The following HDAC4 variants were observed in gnomAD, a reference collection of about 807,000 sequenced individuals.
HDAC4 encodes the protein histone deacetylase 4.
A neutral mutation model predicts 135.1 loss-of-function variants in HDAC4; 16 were observed. That is an observed-to-expected ratio of 0.12 (90% confidence interval 0.08 to 0.18). The LOEUF (loss-of-function observed/expected upper bound fraction) is 0.18, where lower values mean the gene tolerates loss of function less well. Ranked by LOEUF, HDAC4 falls within the 10% of genes least tolerant of loss-of-function variation. The probability of loss-of-function intolerance (pLI) is 1.00; values close to 1 mark genes in which losing one functional copy is unlikely to be tolerated. For missense variants in HDAC4, 1,143 were observed against 1,511.8 expected (o/e 0.76, Z 4.05); for synonymous variants, 685 against 653.4 (o/e 1.05, Z -0.74).
rs1442234034 is a variant in HDAC4, at chr2:239,048,559, G to GGA, written c.*4537_*4538insTC. The GGA allele has an allele frequency of 4.8e-5, 4 of 82,826 alleles. No individual in the cohort carries two copies. The highest frequency in any genetic ancestry group is 8.2e-5 in the Non-Finnish European group (3 of 36,578). 5.1% of individuals were successfully genotyped at this position (82,826 alleles called of 1,614,324 possible). A position where few individuals can be genotyped will look rare whatever the true frequency, so the allele number is the denominator to read the frequency against. On this transcript the variant is annotated 3_prime_UTR_variant, in exon 27 of 27. Transcript: ENST00000543185. ...TGGGTGAGTAAGGTTCAAGCCCCCT[G>GGA]TATAGATAGATAGATAGATAGATAG...
intron 2 of HDAC4, chr2:239,305,664 G>T (rs541411963): frequency 1.3e-5 from 2 of 152,512 alleles, no homozygotes; most frequent in South Asian, 4.1e-4. Flanking sequence ...ACTGAGTGTG[G>T]TTTTTAATCA....
chr2:239,102,508 A>C, intron 16 of HDAC4: 1 of 465,642 alleles, frequency 2.1e-6, no homozygotes, highest in Non-Finnish European at 4.0e-6. Flanking sequence ...GTTCCTAATC[A>C]GCCTCTCAAA....
chr2:239,295,689 C>T (rs989510784), intron 2 of HDAC4, among the ~76,000 whole-genome samples: 3 of 152,184 alleles, frequency 2.0e-5, no homozygotes, highest in South Asian at 4.1e-4. Context: ...TTTTGTGTCT[C>T]GTTTACCATT....
At chr2:239,210,587 C>T (rs2046311430) in intron 3 of HDAC4, among the ~76,000 whole-genome samples, 1 of 152,186 alleles carries the variant, frequency 6.6e-6, no homozygotes, top group South Asian at 2.1e-4. Flanking sequence ...TTGGAGGAGA[C>T]CGGCCCTGCT....
chr2:239,219,532 T>G (rs1054191281), intron 3 of HDAC4, among the ~76,000 whole-genome samples: 1 of 152,040 alleles, frequency 6.6e-6, no homozygotes. Context: ...GACGAGTTAA[T>G]GGGTGCAGCA....
rs757852926 is a variant in HDAC4, at chr2:239,167,012, G to A, written c.491-3089C>T. ...ACCGCAAAATGATGCTGGTGACAGC[G>A]ACAGTGAGGATGAGGACCCAGATGG... On this transcript the variant is annotated intron_variant, in intron 5 of 26. Coordinates refer to ENST00000543185, the MANE Select transcript of HDAC4 (RefSeq NM_001378414.1). The surrounding 1 kb of genome is among the most constrained non-coding windows in gnomAD (Gnocchi z 4.1). 6.6e-6 allele frequency among the ~76,000 whole-genome samples: 1 copy of A among 152,258 alleles called. No individual in the cohort carries two copies. The highest frequency in any genetic ancestry group is 2.4e-5 in the African/African-American group (1 of 41,546).
chr2:239,059,448 G>A (rs930748258), intron 24 of HDAC4, among the ~76,000 whole-genome samples: 11 of 152,136 alleles, frequency 7.2e-5, no homozygotes, highest in Non-Finnish European at 1.3e-4. Flanking sequence ...GGTACACAGG[G>A]ACAACCCCAG....
chr2:239,115,292 C>T lies in HDAC4; in HGVS notation c.1552G>A (p.Glu518Lys), dbSNP rs2039030069. ...QMNKIIPKPS[E>K]PARQPESHPE... ...TGGCTCTCCGGCTGCCGGGCTGGCT[C>T]GCTTGGCTTGGGGATGATCTGCAAG... The change falls in exon 13 of 27, where the codon GAG (glutamate) becomes AAG (lysine). Residue 518 changes from glutamate to lysine, a missense_variant. Around this residue, in one of 9 missense-constraint regions of HDAC4, gnomAD observed 196 missense variants for 210.7 expected, o/e 0.93. Coordinates refer to ENST00000543185, the MANE Select transcript of HDAC4 (RefSeq NM_001378414.1). The surrounding 1 kb of genome is among the most constrained non-coding windows in gnomAD (Gnocchi z 6.3). 8 of 1,613,274 alleles carry T rather than the reference C, an allele frequency of 5.0e-6. No individual in the cohort carries two copies. Among genetic ancestry groups the T allele is most frequent in the South Asian group, 1.1e-5 (1 of 91,062 alleles).
At chr2:239,217,067 T>G (rs965956636) in intron 3 of HDAC4, among the ~76,000 whole-genome samples, 3 of 151,816 alleles carry the variant, frequency 2.0e-5, no homozygotes, top group Non-Finnish European at 2.9e-5. Flanking sequence ...TTGGCAGACA[T>G]TCTCACACCC....
In HDAC4 at chr2:239,084,098, G is replaced by A. The variant is rs181498656; in HGVS notation, c.2532+57C>T. ...CTCCTCTGTCCACACGCTGCTGTCC[G>A]CTCGGGGACGGCAAAGGAGCAACCT... is the stretch of plus-strand genomic sequence containing the variant. On this transcript the variant is annotated intron_variant, in intron 20 of 26. Transcript: ENST00000543185. The A allele has an allele frequency of 2.6e-4, 327 of 1,251,058 alleles. 2 individuals carry two copies. In the Middle Eastern group the frequency reaches 3.2e-3, roughly 12 times the overall value. The allele number at this position is 1,251,058 out of a possible 1,614,324, so 77.5% of individuals were successfully genotyped here.
intron 22 of HDAC4, among the ~76,000 whole-genome samples, chr2:239,073,426 G>A (rs1490095137): frequency 6.6e-6 from 1 of 152,228 alleles, no homozygotes; most frequent in African/African-American, 2.4e-5. Flanking sequence ...TGGGCCACAC[G>A]GTCTCTGCCA....
At position 239,379,809 on chromosome 2, in the gene HDAC4, C is replaced by T. The variant is rs561003441; in HGVS notation, c.-220+21169G>A. On this transcript the variant is annotated intron_variant, in intron 1 of 26. Transcript: ENST00000543185. ...CCAGAGAGCAGCCCCTGCCCCACCA[C>T]GGGGTCACACTCACCACAGGGTCAC... Among the ~76,000 whole-genome samples, 15 of 152,330 alleles carry T rather than the reference C, an allele frequency of 9.8e-5. No individual in the cohort carries two copies. The South Asian group carries it at 2.7e-3, about 27-fold the overall frequency.
chr2:239,258,835 CA>C (rs762800537), intron 2 of HDAC4, among the ~76,000 whole-genome samples: 3 of 152,174 alleles, frequency 2.0e-5, no homozygotes, highest in Non-Finnish European at 2.9e-5. Context: ...TCAATGTAAA[CA>C]AACTAAAGGC....
chr2:239,133,302 G>A (rs765031127), intron 11 of HDAC4, among the ~76,000 whole-genome samples: 3 of 152,132 alleles, frequency 2.0e-5, no homozygotes, highest in East Asian at 1.9e-4. Flanking sequence ...CCTACAACAC[G>A]CCAAGCCCCT....
chr2:239,382,039 CG>C (rs58427666), intron 1 of HDAC4, among the ~76,000 whole-genome samples: 1,770 of 152,332 alleles, frequency 0.012, 29 homozygotes, highest in African/African-American at 0.039. Context: ...AGATCACATA[CG>C]GCTCCCTAGG....
chr2:239,365,493 C>G (rs982554455), intron 1 of HDAC4, among the ~76,000 whole-genome samples: 1 of 152,182 alleles, frequency 6.6e-6, no homozygotes, highest in African/African-American at 2.4e-5. Flanking sequence ...CTGGAACGTT[C>G]GGAAGATCAG....
rs938995205 is a variant in HDAC4 at position 239,066,819 on chromosome 2, G to A, written c.2906C>T (p.Ala969Val). 2 of 1,613,530 alleles carry A rather than the reference G, an allele frequency of 1.2e-6. No homozygotes were observed. Among genetic ancestry groups the A allele is most frequent in the African/African-American group, 2.7e-5 (2 of 74,938 alleles). The change falls in exon 24 of 27, where the codon GCT (alanine) becomes GTT (valine). Residue 969 changes from alanine (A) to valine (V), a missense_variant. Ala to Val is a moderately conservative substitution (Grantham distance 64). This residue lies in a region of HDAC4 where 189 missense variants were observed against 317.6 expected (regional missense o/e 0.60). Coordinates refer to ENST00000543185, the MANE Select transcript of HDAC4 (RefSeq NM_001378414.1). ...GAGGGCCAGGACAATCCGGCCGCCA[G>A]CCAGGCCCATCAGCTGCTTCGTCAG... ...GYLTKQLMGL[A>V]GGRIVLALEG...
chr2:239,281,921 CACAATGTACACACCACTCTGCAA>C (rs1410441192), intron 2 of HDAC4, among the ~76,000 whole-genome samples: 2 of 147,092 alleles, frequency 1.4e-5, no homozygotes, highest in African/African-American at 5.0e-5. Context: ...CCACACTACA[CACAATGTACACACCACTCTGCAA>C]ACAATGTACA....
intron 2 of HDAC4, among the ~76,000 whole-genome samples, chr2:239,273,395 C>T (rs558897603): frequency 4.2e-4 from 64 of 152,322 alleles, no homozygotes; most frequent in African/African-American, 1.3e-3. Flanking sequence ...TGTAAAGCAA[C>T]GAGCTCATTC....
Sources: gnomAD v4.1 joint callset for allele counts (sites outside exome capture counted in the v4.1 genomes callset) on GRCh38, gnomAD v4.1.1 for gene constraint, gnomAD v4.1.1 regional missense constraint, Gnocchi (gnomAD v3.1) non-coding constraint, MANE v1.5 for transcripts, NCBI Gene and HGNC (gene_info 2026-07-23, HGNC 2026-07-21) for gene names.